MPG: variants seen among roughly 807,000 people sequenced by gnomAD.
MPG encodes the protein N-methylpurine DNA glycosylase, also known as DNA-3-methyladenine glycosylase.
MPG carries 33 observed loss-of-function variants against 31.7 expected under a neutral mutation model. The observed-to-expected ratio is 1.04, with a 90% CI of 0.79 to 1.39. The LOEUF (loss-of-function observed/expected upper bound fraction) is 1.39. MPG is among the 40% of genes most tolerant of loss of function. MPG has a pLI of 0.00. For synonymous variants in MPG, 202 were observed against 169.2 expected (o/e 1.19, Z -1.51); for missense variants, 455 against 415.5 (o/e 1.10, Z -0.83).
At chr16:79,165 T>C (rs1898170060) in intron 1 of MPG, 4 of 1,530,344 alleles carry the variant, frequency 2.6e-6, no homozygotes, top group Non-Finnish European at 2.6e-6. Context: ...CCCCATGCCG[T>C]GCAGCTCGCA....
upstream of MPG, among the ~76,000 whole-genome samples, chr16:77,614 G>T (rs921506378): frequency 2.6e-5 from 4 of 152,220 alleles, no homozygotes; most frequent in Admixed American, 1.3e-4. Context: ...CGGAAAGAGG[G>T]ATGGGGGCTC....
At chr16:81,513 G>A (rs1193783657) in intron 2 of MPG, among the ~76,000 whole-genome samples, 2 of 151,536 alleles carry the variant, frequency 1.3e-5, no homozygotes, top group Non-Finnish European at 2.9e-5. Flanking sequence ...AGCCTGGCCT[G>A]TTCACTTCTG....
chr16:85,245 C>G, intron 3 of MPG, 156 bp from the exon 4 acceptor site: 2 of 878,642 alleles, frequency 2.3e-6, no homozygotes, highest in Admixed American at 2.4e-5. Flanking sequence ...CCCACCAGGT[C>G]AGACCCAGGA....
chr16:84,446 G>C (rs1898358987), intron 3 of MPG: 1 of 152,244 alleles, frequency 6.6e-6, no homozygotes, highest in Non-Finnish European at 1.5e-5. Context: ...CCACCTCCAG[G>C]CTAAGCTTCG....
chr16:85,468 T>TC lies in MPG; in HGVS notation c.574dup (p.Arg192ProfsTer36). On this transcript the variant is annotated frameshift_variant, in exon 4 of 4. Coordinates refer to ENST00000356432, the MANE Select transcript of MPG (RefSeq NM_001015052.3). LOFTEE classifies it high-confidence loss of function. The stretch of plus-strand genomic sequence containing the variant: ...AAGGTCTGGAGACCATGCGTCAGCT[T>TC]CGCAGCACCCTCCGGAAAGGCACCG... 5 of 1,613,078 alleles carry TC rather than the reference T, an allele frequency of 3.1e-6. No homozygotes were observed. The highest frequency in any genetic ancestry group is 3.4e-6 in the Non-Finnish European group (4 of 1,180,008).
At chr16:83,444 G>C (rs1377213298) in intron 3 of MPG, 188 bp downstream of exon 3, 1 of 600,788 alleles carries the variant, frequency 1.7e-6, no homozygotes, top group Admixed American at 3.2e-5. Flanking sequence ...TAAAGGGGTA[G>C]AAAGGGCCGG....
intron 1 of MPG, 62 bp from the exon 2 acceptor site, chr16:79,363 C>T (rs754432727): frequency 6.2e-7 from 1 of 1,613,930 alleles, no homozygotes; most frequent in Non-Finnish European, 8.5e-7. Context: ...ACTTCCTGAG[C>T]CTGACCTTAC....
intron 3 of MPG, chr16:83,496 T>C: frequency 2.1e-6 from 1 of 474,130 alleles, no homozygotes; most frequent in Non-Finnish European, 3.8e-6. Context: ...ATCCCAGCAC[T>C]TCGGGAGGCC....
At chr16:82,530 G>A (rs891949245) in intron 2 of MPG, among the ~76,000 whole-genome samples, 34 of 152,128 alleles carry the variant, frequency 2.2e-4, no homozygotes, top group Middle Eastern at 6.3e-3. Context: ...TCAGAAAGCC[G>A]GAGGGTGGGA....
chr16:79,621 C>T lies in MPG; in HGVS notation c.221C>T (p.Pro74Leu), dbSNP rs1898187845. Residue 74 changes from proline (P) to leucine (L), a missense_variant, in exon 2 of 4, where the codon CCA becomes CTA. Coordinates refer to ENST00000356432, the MANE Select transcript of MPG (RefSeq NM_001015052.3). ...TACCGCAGCATCTATTTCTCAAGCCCAAAGGGCCACCTTACCCGACTGGGG... is the reference window on the plus strand; with the variant it reads ...TACCGCAGCATCTATTTCTCAAGCCTAAAGGGCCACCTTACCCGACTGGGG... Reference protein sequence around the residue: ...GPYRSIYFSSPKGHLTRLGLE... With the variant: ...GPYRSIYFSSLKGHLTRLGLE... The T allele has an allele frequency of 1.9e-6, 3 of 1,593,982 alleles. No homozygotes were observed. The highest frequency in any genetic ancestry group is 2.7e-5 in the African/African-American group (2 of 74,592).
intron 3 of MPG, among the ~76,000 whole-genome samples, chr16:85,136 G>A (rs1898390241): frequency 6.6e-6 from 1 of 152,264 alleles, no homozygotes; most frequent in South Asian, 2.1e-4. Context: ...GCCTGGTGGT[G>A]GAAGCCAGAG....
chr16:81,192 C>T (rs1350557370), intron 2 of MPG, among the ~76,000 whole-genome samples: 1 of 152,210 alleles, frequency 6.6e-6, no homozygotes, highest in African/African-American at 2.4e-5. Flanking sequence ...GTGGTCTCCC[C>T]CAGGAGGCTC....
upstream of MPG, among the ~76,000 whole-genome samples, chr16:77,477 G>A (rs931465493): frequency 2.6e-5 from 4 of 152,232 alleles, no homozygotes; most frequent in Non-Finnish European, 5.9e-5. Flanking sequence ...GGCCTCAGAA[G>A]CGTAGGACGG....
intron 2 of MPG, among the ~76,000 whole-genome samples, chr16:80,854 A>G (rs3176406): frequency 0.16 from 24,120 of 152,262 alleles, 6,325 homozygotes; most frequent in African/African-American, 0.55. Context: ...ACAACAAAAC[A>G]GCACGTGTGG....
chr16:81,501 C>G (rs1898234227), intron 2 of MPG, among the ~76,000 whole-genome samples: 2 of 152,270 alleles, frequency 1.3e-5, no homozygotes, highest in South Asian at 4.1e-4. Context: ...ATGGCCTGGC[C>G]AAGCCTGGCC....
At chr16:79,128 C>G in intron 1 of MPG, 3 of 1,485,584 alleles carry the variant, frequency 2.0e-6, no homozygotes, top group Non-Finnish European at 2.7e-6. Flanking sequence ...AGGCCCCCAT[C>G]TGCTCCCCAG....
At chr16:83,949 C>G (rs189243969) in intron 3 of MPG, among the ~76,000 whole-genome samples, 1 of 151,884 alleles carries the variant, frequency 6.6e-6, no homozygotes, top group African/African-American at 2.4e-5. Context: ...TTAGGGTCGG[C>G]GGAGGAGTCG....
upstream of MPG, among the ~76,000 whole-genome samples, chr16:77,608 AAG>A (rs1354984395): frequency 6.6e-6 from 1 of 152,154 alleles, no homozygotes; most frequent in African/African-American, 2.4e-5. Flanking sequence ...CCTGGGCGGA[AAG>A]AGGGATGGGG....
chr16:79,664 G>C lies in MPG; in HGVS notation c.264G>C (p.Gln88His). The C allele has an allele frequency of 1.3e-6, 2 of 1,569,010 alleles. No homozygotes were observed. The highest frequency in any genetic ancestry group is 8.7e-7 in the Non-Finnish European group (1 of 1,156,030). The stretch of plus-strand genomic sequence containing the variant: ...GACTGGGGTTGGAGTTCTTCGACCA[G>C]CCGGCAGTCCCCCTGGCCCGGGCAT... ...LTRLGLEFFDQPAVPLARAFL... is the reference protein window; with the variant it reads ...LTRLGLEFFDHPAVPLARAFL... Residue 88 changes from glutamine (Q) to histidine (H), a missense_variant, in exon 2 of 4, where the codon CAG becomes CAC. Coordinates refer to ENST00000356432, the MANE Select transcript of MPG (RefSeq NM_001015052.3).
Sources: allele counts gnomAD v4.1 joint callset (sites outside exome capture counted in the v4.1 genomes callset), GRCh38; gene constraint gnomAD v4.1.1; transcripts MANE v1.5; gene names NCBI Gene and HGNC (gene_info 2026-07-23, HGNC 2026-07-21).